TNRC6C: variants seen among roughly 807,000 people sequenced by gnomAD.
The protein encoded by TNRC6C is trinucleotide repeat-containing gene 6C protein.
In TNRC6C, 20 loss-of-function variants were observed where a neutral mutation model predicts 153.7. That is an observed-to-expected ratio of 0.13 (90% confidence interval 0.09 to 0.19). The LOEUF is 0.19. Among genes scored for constraint, TNRC6C ranks in the 10% least tolerant of loss-of-function variants. The pLI is 1.00. For synonymous variants in TNRC6C, 811 were observed against 841.4 expected (o/e 0.96, Z 0.63); for missense variants, 1,987 against 2,172.0 (o/e 0.91, Z 1.69).
chr17:78,004,244 AAAAG>A, upstream of TNRC6C: 2 of 1,231,808 alleles, frequency 1.6e-6, no homozygotes, highest in South Asian at 4.1e-5. Context: ...GAAGAAAAGA[AAAAG>A]AAGGAAGGTG....
chr17:77,970,916 G>A (rs2070935657), intron 1 of TNRC6C, among the ~76,000 whole-genome samples: 1 of 152,104 alleles, frequency 6.6e-6, no homozygotes, highest in Non-Finnish European at 1.5e-5. Context: ...GGCTGAGGTG[G>A]GAGGATCACT....
intron 1 of TNRC6C, chr17:78,008,875 T>TCATATA (rs2071570754): frequency 6.6e-6 from 1 of 152,180 alleles, no homozygotes; most frequent in Admixed American, 6.5e-5. Flanking sequence ...CTCTATGAAT[T>TCATATA]CATATACATA....
chr17:78,030,217 T>C (rs2072038891), intron 1 of TNRC6C, among the ~76,000 whole-genome samples: 1 of 152,104 alleles, frequency 6.6e-6, no homozygotes, highest in South Asian at 2.1e-4. Context: ...TGGCACAGTC[T>C]CGGCTCACTG....
chr17:78,013,820 A>G (rs558947222), intron 1 of TNRC6C, among the ~76,000 whole-genome samples: 1 of 152,344 alleles, frequency 6.6e-6, no homozygotes, highest in Admixed American at 6.5e-5. Flanking sequence ...GACATTTTCC[A>G]TGAACTAAAC....
Position 78,049,604 on chromosome 17 carries a change from C to G in TNRC6C, c.542C>G (p.Thr181Ser). The change falls in exon 3 of 20, where the codon ACT becomes AGT. Residue 181 changes from threonine (T) to serine (S), a missense_variant. Physicochemically the swap from Thr to Ser is moderately conservative, Grantham distance 58 (BLOSUM62 1). Coordinates refer to ENST00000301624, the Ensembl canonical transcript of TNRC6C. This position sits in a 1 kb window ranked among gnomAD's most constrained non-coding sequence, Gnocchi z 4.1. ...AGCGCACAACCTCAGAACCTTAACA[C>G]TGATGGACCAAATAACACTAACCCC... 2.5e-6 allele frequency: 4 copies of G among 1,614,018 alleles called. No individual in the cohort carries two copies. The highest frequency in any genetic ancestry group is 3.4e-6 in the Non-Finnish European group (4 of 1,179,904).
At chr17:78,102,196 G>A (rs1007992284) in intron 17 of TNRC6C, among the ~76,000 whole-genome samples, 47 of 152,142 alleles carry the variant, frequency 3.1e-4, no homozygotes, top group Non-Finnish European at 5.0e-4. Flanking sequence ...CATCACCCCC[G>A]TCTCTCCTGG....
At chr17:78,098,382 C>T in exon 17 of TNRC6C, 1 of 1,613,834 alleles carries the variant, frequency 6.2e-7, no homozygotes, top group Admixed American at 1.7e-5. Flanking sequence ...TCCTCTGGCC[C>T]TACCTCCCAC....
intron 4 of TNRC6C, 71 bp downstream of exon 6, chr17:78,065,008 T>G: frequency 6.8e-7 from 1 of 1,475,638 alleles, no homozygotes; most frequent in Non-Finnish European, 9.1e-7. Flanking sequence ...TTTTAAAGAT[T>G]AGAGTTTTAG....
At chr17:78,098,749 C>T (rs1046714282) in intron 17 of TNRC6C, among the ~76,000 whole-genome samples, 9 of 152,128 alleles carry the variant, frequency 5.9e-5, no homozygotes, top group African/African-American at 1.9e-4. Context: ...TGTGCCGGCA[C>T]GCAGCAGGTT....
At chr17:77,973,996 G>A (rs2070963651) in intron 1 of TNRC6C, among the ~76,000 whole-genome samples, 1 of 127,010 alleles carries the variant, frequency 7.9e-6, no homozygotes, top group Admixed American at 9.8e-5. Context: ...AAATTGACAG[G>A]CCAATTCTAA....
At position 78,079,732 on chromosome 17, in the gene TNRC6C, A is replaced by C. The variant is rs2073145509; in HGVS notation, c.3357+191A>C. ...AGTAGTAAATGGATTCTCCTGACCC[A>C]GGAGACATTTTCAGAGCTTGCTCCT... On this transcript the variant is annotated intron_variant, in intron 10 of 19. Transcript: ENST00000301624. The surrounding 1 kb of genome is among the most constrained non-coding windows in gnomAD (Gnocchi z 4.3). 6.6e-6 allele frequency among the ~76,000 whole-genome samples: 1 copy of C among 152,226 alleles called. No individual in the cohort carries two copies. Among genetic ancestry groups the C allele is most frequent in the South Asian group, 2.1e-4 (1 of 4,836 alleles).
rs539208690 is a variant in TNRC6C, at chr17:77,965,792, C to G, written c.-38+6524C>G. Among the ~76,000 whole-genome samples, 13 of 152,332 alleles carry G rather than the reference C, an allele frequency of 8.5e-5. No homozygotes were observed. The East Asian group carries it at 1.3e-3, about 16-fold the overall frequency. On this transcript the variant is annotated intron_variant, in intron 1 of 22. Coordinates refer to the TNRC6C transcript ENST00000636222. ...CATTATATAGCTGTATACTGGATCTCCTCTCTTAAGGACGCATGTCAAAAT... is the reference window on the plus strand; with the variant it reads ...CATTATATAGCTGTATACTGGATCTGCTCTCTTAAGGACGCATGTCAAAAT...
intron 1 of TNRC6C, among the ~76,000 whole-genome samples, chr17:78,010,371 G>A (rs1024956620): frequency 2.0e-5 from 3 of 152,300 alleles, no homozygotes; most frequent in Non-Finnish European, 2.9e-5. Flanking sequence ...AGGTTTTAGA[G>A]TCACAAAGTA....
At chr17:78,034,467 C>T (rs1051993586) in intron 2 of TNRC6C, among the ~76,000 whole-genome samples, 1 of 152,084 alleles carries the variant, frequency 6.6e-6, no homozygotes, top group Non-Finnish European at 1.5e-5. Flanking sequence ...TGCTGCCCCC[C>T]CAACCCCCAC....
chr17:78,051,346 A>G (rs2072528843), exon 3 of TNRC6C: 5 of 1,551,272 alleles, frequency 3.2e-6, no homozygotes, highest in Non-Finnish European at 4.4e-6. Context: ...CAATACCACC[A>G]CCACCACCAC....
At chr17:78,091,531 C>T (rs1279102060) in exon 14 of TNRC6C, 2 of 1,609,320 alleles carry the variant, frequency 1.2e-6, no homozygotes, top group Non-Finnish European at 1.7e-6. Flanking sequence ...CACGCCTCCC[C>T]CAGTGGACGC....
chr17:78,093,589 C>T, intron 15 of TNRC6C, 31 bp from the exon 18 acceptor site: 1 of 1,612,784 alleles, frequency 6.2e-7, no homozygotes, highest in Non-Finnish European at 8.5e-7. Context: ...GTGTTCTGAT[C>T]TGTGGCTTCT....
chr17:77,992,655 T>G (rs181752934), intron 1 of TNRC6C, among the ~76,000 whole-genome samples: 1 of 152,296 alleles, frequency 6.6e-6, no homozygotes, highest in East Asian at 1.9e-4. Context: ...GAAGATGATT[T>G]AATAAAGCCT....
At chr17:77,968,673 C>T (rs1370435516) in intron 1 of TNRC6C, among the ~76,000 whole-genome samples, 1 of 152,186 alleles carries the variant, frequency 6.6e-6, no homozygotes, top group African/African-American at 2.4e-5. Flanking sequence ...AGCTTATGCA[C>T]ATGCCTATTT....
Sources: allele counts gnomAD v4.1 joint callset (sites outside exome capture counted in the v4.1 genomes callset), GRCh38; gene constraint gnomAD v4.1.1; non-coding constraint Gnocchi (gnomAD v3.1); transcripts MANE v1.5; gene names NCBI Gene and HGNC (gene_info 2026-07-23, HGNC 2026-07-21).